CEP112: variants seen among roughly 807,000 people sequenced by gnomAD.
The protein encoded by CEP112 is centrosomal protein 112, also known as centrosomal protein of 112 kDa.
CEP112 carries 127 observed loss-of-function variants against 153.0 expected under a neutral mutation model. That is an observed-to-expected ratio of 0.83 (90% CI 0.72 to 0.96). The LOEUF (loss-of-function observed/expected upper bound fraction) is 0.96, where lower values mean the gene tolerates loss of function less well. Ranked by LOEUF, CEP112 falls within the 40% of genes least tolerant of loss-of-function variation. The probability of loss-of-function intolerance (pLI) is 0.00; values close to 1 mark genes in which losing one functional copy is unlikely to be tolerated. For missense variants in CEP112, 1,089 were observed against 1,101.2 expected (o/e 0.99, Z 0.16); for synonymous variants, 358 against 374.4 (o/e 0.96, Z 0.51).
chr17:65,701,297 G>A (rs2048620879), intron 23 of CEP112, among the ~76,000 whole-genome samples: 1 of 152,170 alleles, frequency 6.6e-6, no homozygotes, highest in Non-Finnish European at 1.5e-5. Context: ...TTTCAGAATA[G>A]GTGGCTAGGG....
intron 8 of CEP112, among the ~76,000 whole-genome samples, chr17:66,083,840 T>A (rs1173886739): frequency 6.6e-6 from 1 of 152,078 alleles, no homozygotes; most frequent in African/African-American, 2.4e-5. Flanking sequence ...CCTGGGTGAC[T>A]GAGCGAGACT....
intron 17 of CEP112, among the ~76,000 whole-genome samples, chr17:65,979,595 A>G (rs1016141157): frequency 5.9e-5 from 9 of 152,166 alleles, no homozygotes; most frequent in Non-Finnish European, 1.3e-4. Flanking sequence ...ACAAATTATT[A>G]TATCAATACA....
chr17:65,709,046 C>CTGTGCATT (rs2049047989), intron 23 of CEP112, among the ~76,000 whole-genome samples: 1 of 152,092 alleles, frequency 6.6e-6, no homozygotes, highest in African/African-American at 2.4e-5. Context: ...TTGCAGGTCT[C>CTGTGCATT]TGTGCATTTT....
intron 6 of CEP112, among the ~76,000 whole-genome samples, chr17:66,118,017 C>G (rs1292487050): frequency 6.6e-6 from 1 of 152,128 alleles, no homozygotes; most frequent in Non-Finnish European, 1.5e-5. Flanking sequence ...ATAAAGGATG[C>G]TGACGAGGAT....
At chr17:66,092,938 T>C (rs946731879) in intron 8 of CEP112, among the ~76,000 whole-genome samples, 2 of 152,192 alleles carry the variant, frequency 1.3e-5, no homozygotes, top group African/African-American at 4.8e-5. Context: ...CTGAAAGCTT[T>C]TCCTCTAAGA....
At chr17:66,058,173 T>C (rs986530212) in intron 11 of CEP112, among the ~76,000 whole-genome samples, 4 of 151,748 alleles carry the variant, frequency 2.6e-5, no homozygotes, top group East Asian at 3.9e-4. Context: ...AAAGCTTTAC[T>C]AATCCAGCAG....
chr17:65,983,054 T>C (rs2063285902), intron 17 of CEP112, among the ~76,000 whole-genome samples: 1 of 152,170 alleles, frequency 6.6e-6, no homozygotes, highest in South Asian at 2.1e-4. Flanking sequence ...GTTAGGAGGA[T>C]CTGACAGAAG....
intron 21 of CEP112, among the ~76,000 whole-genome samples, chr17:65,797,892 C>T (rs1215969020): frequency 1.3e-5 from 2 of 152,054 alleles, no homozygotes; most frequent in East Asian, 3.9e-4. Flanking sequence ...AGTGGAGGGA[C>T]CCTTCATGTA....
At chr17:65,811,126 T>C (rs2055924059) in intron 21 of CEP112, among the ~76,000 whole-genome samples, 1 of 152,222 alleles carries the variant, frequency 6.6e-6, no homozygotes, top group South Asian at 2.1e-4. Context: ...ATAGTTAACA[T>C]AAGTGTCTTC....
At chr17:65,647,208 T>C (rs1209188499) in intron 24 of CEP112, among the ~76,000 whole-genome samples, 1 of 147,646 alleles carries the variant, frequency 6.8e-6, no homozygotes, top group East Asian at 2.0e-4. Flanking sequence ...AGTTTTGCTT[T>C]TGTTGCCCAG....
intron 21 of CEP112, among the ~76,000 whole-genome samples, chr17:65,782,576 C>G (rs1167143449): frequency 6.6e-6 from 1 of 152,114 alleles, no homozygotes; most frequent in Non-Finnish European, 1.5e-5. Flanking sequence ...ATAGCAAAAC[C>G]ATGGAATCAA....
chr17:65,882,635 TTCAAAACAGACAACATATAG>T (rs2059124936), intron 20 of CEP112, among the ~76,000 whole-genome samples: 1 of 152,220 alleles, frequency 6.6e-6, no homozygotes, highest in African/African-American at 2.4e-5. Flanking sequence ...GTTATTGGGA[TTCAAAACAGACAACATATAG>T]TCCCTCCTCT....
chr17:65,923,209 A>G lies in CEP112; in HGVS notation c.1980+4373T>C, dbSNP rs1369065996. On this transcript the variant is annotated intron_variant, in intron 19 of 26. Transcript: ENST00000535342. Reference sequence around the variant, plus strand: ...CATTGCACCGGCTTTTGCAGTTAGAAAGTCTGAAGTTATCCATACTTTGGC... The same window carrying G: ...CATTGCACCGGCTTTTGCAGTTAGAGAGTCTGAAGTTATCCATACTTTGGC... 2.0e-5 allele frequency among the ~76,000 whole-genome samples: 3 copies of G among 152,360 alleles called. No homozygotes were observed. In the East Asian group the frequency reaches 5.8e-4, roughly 29 times the overall value.
At chr17:65,821,556 T>A (rs2056583823) in intron 21 of CEP112, among the ~76,000 whole-genome samples, 2 of 105,138 alleles carry the variant, frequency 1.9e-5, no homozygotes, top group Non-Finnish European at 4.0e-5. Context: ...TTTTTTTTTT[T>A]TTTTTTTTTT....
intron 19 of CEP112, among the ~76,000 whole-genome samples, chr17:65,906,265 C>CA (rs148326452): frequency 8.4e-5 from 9 of 107,394 alleles, no homozygotes; most frequent in Admixed American, 2.3e-4. Context: ...AGGGGCCTGT[C>CA]GGGGGGGTAG....
At chr17:65,830,939 A>G (rs1338891356) in intron 21 of CEP112, among the ~76,000 whole-genome samples, 1 of 152,226 alleles carries the variant, frequency 6.6e-6, no homozygotes, top group East Asian at 1.9e-4. Context: ...TCCCCAGACC[A>G]GAAAAAATTG....
intron 6 of CEP112, among the ~76,000 whole-genome samples, chr17:66,124,332 CA>C (rs1234714166): frequency 6.6e-6 from 1 of 152,076 alleles, no homozygotes; most frequent in Non-Finnish European, 1.5e-5. Context: ...GAAGGAACCT[CA>C]TTGCACTATT....
intron 17 of CEP112, among the ~76,000 whole-genome samples, chr17:65,980,594 C>T (rs2063192039): frequency 6.6e-6 from 1 of 152,138 alleles, no homozygotes; most frequent in Non-Finnish European, 1.5e-5. Flanking sequence ...CTGTCCCTTC[C>T]TTCAAAACTT....
At chr17:66,029,331 C>T (rs2065362378) in intron 13 of CEP112, 79 bp from the exon 14 acceptor site, 1 of 1,205,736 alleles carries the variant, frequency 8.3e-7, no homozygotes, top group Admixed American at 2.4e-5. Context: ...TCAGCTAAAT[C>T]CAAATACATT....
Sources: allele counts gnomAD v4.1 joint callset (sites outside exome capture counted in the v4.1 genomes callset), GRCh38; gene constraint gnomAD v4.1.1; transcripts MANE v1.5; gene names NCBI Gene and HGNC (gene_info 2026-07-23, HGNC 2026-07-21).